The following SVIL variants were observed in gnomAD, a reference collection of about 807,000 sequenced individuals.
SVIL encodes archvillin.
A neutral mutation model predicts 240.4 loss-of-function variants in SVIL; 101 were observed. That is an observed-to-expected ratio of 0.42 (90% CI 0.36 to 0.50). The LOEUF (loss-of-function observed/expected upper bound fraction) is 0.50, where lower values mean the gene tolerates loss of function less well. SVIL is among the 20% of genes least tolerant of loss of function. The probability of loss-of-function intolerance (pLI) is 0.01; values close to 1 mark genes in which losing one functional copy is unlikely to be tolerated. For synonymous variants in SVIL, 999 were observed against 1,100.0 expected (o/e 0.91, Z 1.82); for missense variants, 2,512 against 2,818.7 (o/e 0.89, Z 2.46).
chr10:29,651,796 A>G (rs1306484906), intron 3 of SVIL, among the ~76,000 whole-genome samples: 3 of 152,168 alleles, frequency 2.0e-5, no homozygotes, highest in Admixed American at 6.5e-5. Context: ...TATGTCCACA[A>G]TAGAACTCTT....
At position 29,522,584 on chromosome 10, in the gene SVIL, T is replaced by G; in HGVS notation, c.3215A>C (p.Lys1072Thr). The G allele has an allele frequency of 6.2e-7, 1 of 1,614,186 alleles. No individual in the cohort carries two copies. The highest frequency in any genetic ancestry group is 2.2e-5 in the East Asian group (1 of 44,872). Reference sequence around the variant, plus strand: ...GGGGGCTGTGGTTTGAGCAATAGTTTTCCCAGCAGCTGTCCCCGTCTGCTC... The same window carrying G: ...GGGGGCTGTGGTTTGAGCAATAGTTGTCCCAGCAGCTGTCCCCGTCTGCTC... ...TSEQTGTAAG[K>T]TIAQTTAPVS... The change falls in exon 16 of 38, where the codon AAA becomes ACA. Residue 1072 changes from lysine to threonine, a missense_variant. This residue lies in a region of SVIL where 1,443 missense variants were observed against 1,486.6 expected (regional missense o/e 0.97). Coordinates refer to ENST00000355867, the MANE Select transcript of SVIL (RefSeq NM_021738.3).
Position 29,735,249 on chromosome 10 carries a change from C to A in SVIL, c.-400+502G>T, listed in dbSNP as rs370356396. Among the ~76,000 whole-genome samples the A allele has an allele frequency of 1.3e-5, 2 of 152,040 alleles. No homozygotes were observed. The highest frequency in any genetic ancestry group is 2.4e-5 in the African/African-American group (1 of 41,414). On this transcript the variant is annotated intron_variant, in intron 1 of 35. Coordinates refer to the SVIL transcript ENST00000375400. The surrounding 1 kb of genome is among the most constrained non-coding windows in gnomAD (Gnocchi z 4.1). ...CCCTGCGGAGGCGCCGGTCTGGGACCCCGGGCTGGGGCGCGGGAGCCACCG... is the reference window on the plus strand; with the variant it reads ...CCCTGCGGAGGCGCCGGTCTGGGACACCGGGCTGGGGCGCGGGAGCCACCG...
chr10:29,536,104 T>G, intron 6 of SVIL, 35 bp from the exon 7 acceptor site: 49 of 1,585,628 alleles, frequency 3.1e-5, no homozygotes, highest in Non-Finnish European at 3.7e-5. Context: ...AGATAATCTC[T>G]ATTAAAACGT....
intron 34 of SVIL, 78 bp from the exon 35 acceptor site, chr10:29,463,713 T>C: frequency 6.4e-7 from 1 of 1,552,072 alleles, no homozygotes; most frequent in South Asian, 1.2e-5. Context: ...CCCAACCTAG[T>C]GGATGTTGTC....
intron 1 of SVIL, among the ~76,000 whole-genome samples, chr10:29,573,938 C>T (rs1202250252): frequency 3.9e-5 from 6 of 152,182 alleles, no homozygotes; most frequent in African/African-American, 9.6e-5. Context: ...TCAGGTGATC[C>T]GCCCACCTTG....
At position 29,688,266 on chromosome 10, in the gene SVIL, T is replaced by C. The variant is rs1961242396; in HGVS notation, c.-399-1615A>G. ...AGGCAGTGAGCCTGACTGTCTCCCC[T>C]CAGGGGATGATTGATGGCTTAGCTC... On this transcript the variant is annotated intron_variant, in intron 1 of 35. Coordinates refer to the SVIL transcript ENST00000375400. Among the ~76,000 whole-genome samples the C allele has an allele frequency of 2.0e-5, 3 of 152,224 alleles. No homozygotes were observed. The South Asian group carries it at 6.2e-4, about 31-fold the overall frequency.
chr10:29,502,354 G>T (rs1948959042), intron 17 of SVIL, among the ~76,000 whole-genome samples: 1 of 151,936 alleles, frequency 6.6e-6, no homozygotes, highest in Non-Finnish European at 1.5e-5. Flanking sequence ...GAACAAAGAA[G>T]ATATATATAT....
At chr10:29,599,108 G>A (rs1164658099) in intron 1 of SVIL, among the ~76,000 whole-genome samples, 1 of 152,108 alleles carries the variant, frequency 6.6e-6, no homozygotes, top group Non-Finnish European at 1.5e-5. Flanking sequence ...ATGTCATTTG[G>A]TTTAGCTTTA....
At chr10:29,554,486 TG>T (rs201437705) in intron 5 of SVIL, among the ~76,000 whole-genome samples, 1 of 147,344 alleles carries the variant, frequency 6.8e-6, no homozygotes, top group African/African-American at 2.7e-5. Context: ...TCTACAAAAA[TG>T]TTTAAAAAAA....
chr10:29,618,233 G>A (rs1957500600), intron 1 of SVIL, among the ~76,000 whole-genome samples: 1 of 152,202 alleles, frequency 6.6e-6, no homozygotes, highest in African/African-American at 2.4e-5. Flanking sequence ...ACACAGTTCC[G>A]ATTAGGAACC....
chr10:29,554,979 A>C, intron 4 of SVIL, 45 bp from the exon 5 acceptor site: 3 of 1,610,218 alleles, frequency 1.9e-6, no homozygotes, highest in Non-Finnish European at 2.5e-6. Flanking sequence ...CAGCGATCGA[A>C]TCTAAAGGAA....
chr10:29,491,338 TC>T (rs3215847), intron 21 of SVIL, among the ~76,000 whole-genome samples: 57,663 of 151,550 alleles, frequency 0.38, 13,458 homozygotes, highest in African/African-American at 0.64. Context: ...AGCTCTTCCC[TC>T]CCCCCTACCA....
Position 29,554,924 on chromosome 10 carries a change from T to G in SVIL, c.19A>C (p.Ile7Leu), listed in dbSNP as rs1191041217. MKRKER[I>L]ARRLEGIEND... ...TCAATCCCTTCCAGGCGCCTGGCAATTCTTTCTTTTCTGTGAAATACACCA... is the reference window on the plus strand; with the variant it reads ...TCAATCCCTTCCAGGCGCCTGGCAAGTCTTTCTTTTCTGTGAAATACACCA... Residue 7 changes from isoleucine to leucine, a missense_variant, in exon 5 of 38, where the codon ATT (isoleucine) becomes CTT (leucine). By Grantham distance (5) the Ile-to-Leu change is conservative. Coordinates refer to ENST00000355867, the MANE Select transcript of SVIL (RefSeq NM_021738.3). 4 of 1,610,902 alleles carry G rather than the reference T, an allele frequency of 2.5e-6. No homozygotes were observed. The African/African-American group carries it at 5.4e-5, about 22-fold the overall frequency.
chr10:29,585,485 G>T (rs779315508), intron 1 of SVIL, among the ~76,000 whole-genome samples: 1 of 151,984 alleles, frequency 6.6e-6, no homozygotes, highest in African/African-American at 2.4e-5. Flanking sequence ...CACCACGCCC[G>T]CCAAACTATT....
intron 1 of SVIL, among the ~76,000 whole-genome samples, chr10:29,572,358 C>G (rs1336977274): frequency 6.6e-6 from 1 of 151,690 alleles, no homozygotes; most frequent in Non-Finnish European, 1.5e-5. Flanking sequence ...CCTTGGATAA[C>G]TAAATTAGAA....
chr10:29,653,764 A>G (rs1958914570), intron 3 of SVIL, among the ~76,000 whole-genome samples: 1 of 152,180 alleles, frequency 6.6e-6, no homozygotes. Flanking sequence ...AGATGGATAT[A>G]CAGTTTCCCC....
chr10:29,684,027 T>C (rs1960868357), intron 2 of SVIL, among the ~76,000 whole-genome samples: 1 of 152,152 alleles, frequency 6.6e-6, no homozygotes, highest in Non-Finnish European at 1.5e-5. Context: ...ATTTTTTTAA[T>C]GTGTGAAAAC....
At chr10:29,516,289 C>T (rs1296288917) in intron 16 of SVIL, among the ~76,000 whole-genome samples, 1 of 152,212 alleles carries the variant, frequency 6.6e-6, no homozygotes, top group Non-Finnish European at 1.5e-5. Context: ...CCAGAATAAT[C>T]TGGAAGAAAC....
chr10:29,700,138 G>A (rs945548510), intron 1 of SVIL, among the ~76,000 whole-genome samples: 5 of 152,170 alleles, frequency 3.3e-5, no homozygotes, highest in African/African-American at 9.7e-5. Flanking sequence ...TACAGCAAAC[G>A]CTTTGCTGAG....
Sources: gnomAD v4.1 joint callset for allele counts (sites outside exome capture counted in the v4.1 genomes callset) on GRCh38, gnomAD v4.1.1 for gene constraint, gnomAD v4.1.1 regional missense constraint, Gnocchi (gnomAD v3.1) non-coding constraint, MANE v1.5 for transcripts, NCBI Gene and HGNC (gene_info 2026-07-23, HGNC 2026-07-21) for gene names.